CUBN: variants seen among roughly 807,000 people sequenced by gnomAD.
CUBN encodes the protein cubilin.
CUBN carries 282 observed loss-of-function variants against 405.3 expected under a neutral mutation model. That is an observed-to-expected ratio of 0.70 (90% CI 0.63 to 0.77). The LOEUF (loss-of-function observed/expected upper bound fraction) is 0.77, where lower values mean the gene tolerates loss of function less well. Among genes scored for constraint, CUBN ranks in the 30% least tolerant of loss-of-function variants. The probability of loss-of-function intolerance (pLI) is 0.00; values close to 1 mark genes in which losing one functional copy is unlikely to be tolerated. For synonymous variants in CUBN, 1,684 were observed against 1,617.0 expected (o/e 1.04, Z -0.99); for missense variants, 4,514 against 4,475.2 (o/e 1.01, Z -0.25).
intron 10 of CUBN, among the ~76,000 whole-genome samples, chr10:17,108,078 G>A (rs980525512): frequency 4.6e-5 from 7 of 152,132 alleles, no homozygotes; most frequent in African/African-American, 1.7e-4. Context: ...AATACTTCAT[G>A]TCATCAACAT....
intron 54 of CUBN, among the ~76,000 whole-genome samples, chr10:16,893,395 CGTGTGTGTGTGTGT>C (rs34859798): frequency 2.0e-5 from 3 of 150,492 alleles, no homozygotes; most frequent in Non-Finnish European, 4.4e-5. Flanking sequence ...TACTTGAACT[CGTGTGTGTGTGTGT>C]GTGTGTGTGT....
chr10:16,869,556 G>GT (rs1491147058), intron 59 of CUBN, 80 bp downstream of exon 59: 18 of 997,100 alleles, frequency 1.8e-5, no homozygotes, highest in Non-Finnish European at 2.8e-5. Flanking sequence ...TCAGGTGGGG[G>GT]TGGGGGGGGG....
At chr10:17,119,137 G>T (rs1371438633) in intron 6 of CUBN, among the ~76,000 whole-genome samples, 1 of 152,186 alleles carries the variant, frequency 6.6e-6, no homozygotes, top group Non-Finnish European at 1.5e-5. Context: ...TACCACCTGA[G>T]CTAAAACTAG....
At chr10:16,958,714 G>C (rs373711020) in intron 31 of CUBN, among the ~76,000 whole-genome samples, 1 of 152,292 alleles carries the variant, frequency 6.6e-6, no homozygotes, top group East Asian at 1.9e-4. Flanking sequence ...ATGTAGGCTA[G>C]TAAGTCATCC....
chr10:17,063,314 C>T (rs1004668259), intron 22 of CUBN, among the ~76,000 whole-genome samples: 11 of 152,170 alleles, frequency 7.2e-5, no homozygotes, highest in Non-Finnish European at 1.5e-4. Flanking sequence ...AACAAGCGGG[C>T]ACAGTGACCA....
At chr10:16,884,887 C>T (rs139747173) in intron 56 of CUBN, among the ~76,000 whole-genome samples, 150 of 152,216 alleles carry the variant, frequency 9.9e-4, no homozygotes, top group African/African-American at 3.4e-3. Context: ...CCACCTAAGT[C>T]AACACTGGCT....
At position 16,851,710 on chromosome 10, in the gene CUBN, TTCCC is replaced by T. The variant is rs1163832232; in HGVS notation, c.9455-271_9455-268del. 1.1e-4 allele frequency among the ~76,000 whole-genome samples: 8 copies of T among 72,868 alleles called. No individual in the cohort carries two copies. In the East Asian group the frequency reaches 2.0e-3, roughly 18 times the overall value. 47.8% of individuals were successfully genotyped at this position (72,868 alleles called of 152,430 possible). On this transcript the variant is annotated intron_variant, in intron 59 of 66. Transcript: ENST00000377833. ...TTTCCCTCCCTCCCTCTATCTTTCC[TTCCC>T]TCCATCTTTCCCTCCCTCCCTCTAT... is the stretch of plus-strand genomic sequence containing the variant.
Position 17,090,650 on chromosome 10 carries a change from A to G in CUBN, c.1766-2305T>C, listed in dbSNP as rs187239467. Among the ~76,000 whole-genome samples, 15 of 152,238 alleles carry G rather than the reference A, an allele frequency of 9.9e-5. 1 individual carries two copies. The highest frequency in any genetic ancestry group is 3.4e-3 in the Middle Eastern group (1 of 294). On this transcript the variant is annotated intron_variant, in intron 14 of 66. Transcript: ENST00000377833. ...ACCGCTCAAGCAAAACATATTTTAAATACACAAAAAAGAACAAAGAAATCT... is the reference window on the plus strand; with the variant it reads ...ACCGCTCAAGCAAAACATATTTTAAGTACACAAAAAAGAACAAAGAAATCT...
rs759354194 is a variant in CUBN, at chr10:16,828,919, G to C, written c.10650C>G (p.Thr3550=). The change falls in exon 66 of 67, where the codon ACC becomes ACG. Residue 3550 remains threonine (T), a synonymous_variant. Transcript: ENST00000377833. ...CAATGCTGATGAAGTAGAAGTTGAT[G>C]GTGACAAGCCTTCCAGCAGGAGCAA... The part of the protein sequence containing the change: ...VLVAPAGRLV[T]INFYFISIDD... The C allele has an allele frequency of 6.2e-7, 1 of 1,613,972 alleles. No homozygotes were observed. The highest frequency in any genetic ancestry group is 8.5e-7 in the Non-Finnish European group (1 of 1,180,018).
At chr10:16,958,565 A>G (rs1843135017) in intron 31 of CUBN, among the ~76,000 whole-genome samples, 1 of 152,160 alleles carries the variant, frequency 6.6e-6, no homozygotes, top group Admixed American at 6.5e-5. Context: ...AATTCAAATT[A>G]TATACCAATG....
chr10:16,904,228 G>T, intron 50 of CUBN, 113 bp from the exon 51 acceptor site: 1 of 999,698 alleles, frequency 1.0e-6, no homozygotes, highest in Non-Finnish European at 1.6e-6. Context: ...CTTAAATTCT[G>T]ATTTAGTAGC....
At chr10:16,908,609 A>G (rs1285356074) in intron 48 of CUBN, among the ~76,000 whole-genome samples, 2 of 152,248 alleles carry the variant, frequency 1.3e-5, no homozygotes, top group East Asian at 1.9e-4. Context: ...ATATTAAATA[A>G]TAGCTGTAGT....
At chr10:17,106,241 T>C (rs556274039) in intron 10 of CUBN, among the ~76,000 whole-genome samples, 13 of 152,014 alleles carry the variant, frequency 8.6e-5, no homozygotes, top group Non-Finnish European at 1.9e-4. Flanking sequence ...GCTGAGATAG[T>C]GCCACTGCAC....
At chr10:16,958,701 T>C (rs973575556) in intron 31 of CUBN, among the ~76,000 whole-genome samples, 1 of 152,194 alleles carries the variant, frequency 6.6e-6, no homozygotes, top group Non-Finnish European at 1.5e-5. Context: ...ACTGTCTCAT[T>C]CAATGTAGGC....
Position 17,105,437 on chromosome 10 carries a change from A to G in CUBN, c.1230+20T>C, listed in dbSNP as rs753935994. The G allele has an allele frequency of 2.6e-5, 35 of 1,350,904 alleles. No individual in the cohort carries two copies. Among genetic ancestry groups the G allele is most frequent in the Non-Finnish European group, 3.3e-5 (31 of 938,388 alleles). The allele number at this position is 1,350,904 out of a possible 1,614,324, so 83.7% of individuals were successfully genotyped here. A position where few individuals can be genotyped will look rare whatever the true frequency, so the allele number is the denominator to read the frequency against. ...TAATTCTCAGGTACTCTCTGTCCAC[A>G]GGAAAAACAAAGGACTCACGATGCA... is the stretch of plus-strand genomic sequence containing the variant. On this transcript the variant is annotated intron_variant, in intron 11 of 66. Coordinates refer to ENST00000377833, the MANE Select transcript of CUBN (RefSeq NM_001081.4).
intron 56 of CUBN, among the ~76,000 whole-genome samples, chr10:16,881,037 C>T (rs1840654270): frequency 6.6e-6 from 1 of 152,116 alleles, no homozygotes; most frequent in African/African-American, 2.4e-5. Context: ...GTCTTTAAGA[C>T]ATCAAAAGCT....
rs1380586772 is a variant in CUBN, at chr10:16,824,778, C to A, written c.*197G>T. The A allele has an allele frequency of 1.8e-6, 1 of 560,038 alleles. No homozygotes were observed. The highest frequency in any genetic ancestry group is 3.7e-5 in the East Asian group (1 of 27,330). The allele number at this position is 560,038 out of a possible 1,614,324, so 34.7% of individuals were successfully genotyped here. On this transcript the variant is annotated 3_prime_UTR_variant, in exon 67 of 67. Transcript: ENST00000377833. ...CAGGTGATCAACCTGCCTCGGCCTC[C>A]CAAAGTGCTGAGAATACAGGGGGGT...
chr10:16,876,424 T>C (rs914526198), intron 57 of CUBN, among the ~76,000 whole-genome samples: 2 of 152,242 alleles, frequency 1.3e-5, no homozygotes. Flanking sequence ...ATCAATCTTT[T>C]CCATTAGGGC....
At chr10:17,112,921 T>C (rs1836803752) in intron 8 of CUBN, among the ~76,000 whole-genome samples, 1 of 152,296 alleles carries the variant, frequency 6.6e-6, no homozygotes, top group African/African-American at 2.4e-5. Context: ...TTTGTTGTAG[T>C]TAAAAGAATT....
Sources: gnomAD v4.1 joint callset for allele counts (sites outside exome capture counted in the v4.1 genomes callset) on GRCh38, gnomAD v4.1.1 for gene constraint, MANE v1.5 for transcripts, NCBI Gene and HGNC (gene_info 2026-07-23, HGNC 2026-07-21) for gene names.